The following VDAC3 variants were observed in gnomAD, a reference collection of about 807,000 sequenced individuals.
The protein encoded by VDAC3 is non-selective voltage-gated ion channel VDAC3.
VDAC3 carries 7 observed loss-of-function variants against 33.9 expected under a neutral mutation model. The ratio of observed to expected loss-of-function variants is 0.21; its 90% CI spans 0.12 to 0.39. VDAC3 has a LOEUF of 0.39. Among genes scored for constraint, VDAC3 ranks in the 10% least tolerant of loss-of-function variants. VDAC3 has a pLI of 1.00. For synonymous variants in VDAC3, 100 were observed against 122.4 expected, an observed-to-expected ratio of 0.82 and a Z score of 1.21; for missense variants, 261 against 334.5, an observed-to-expected ratio of 0.78 and a Z score of 1.71.
intron 1 of VDAC3, 179 bp from the exon 2 acceptor site, chr8:42,393,666 A>T: frequency 2.7e-6 from 1 of 371,940 alleles, no homozygotes; most frequent in Non-Finnish European, 4.8e-6. Flanking sequence ...AATGGGTAAA[A>T]TTATAGCACT....
chr8:42,402,777 A>G (rs1802436871), intron 7 of VDAC3, among the ~76,000 whole-genome samples: 1 of 152,248 alleles, frequency 6.6e-6, no homozygotes, highest in Non-Finnish European at 1.5e-5. Flanking sequence ...CAGGAAAACC[A>G]TGTGAAAACC....
chr8:42,396,449 C>G (rs968328918), intron 4 of VDAC3, among the ~76,000 whole-genome samples: 1 of 152,140 alleles, frequency 6.6e-6, no homozygotes, highest in African/African-American at 2.4e-5. Context: ...TGTGTATAAT[C>G]ATGGTTTGTG....
intron 4 of VDAC3, among the ~76,000 whole-genome samples, chr8:42,396,344 G>A (rs759799032): frequency 3.3e-5 from 5 of 152,118 alleles, no homozygotes; most frequent in Non-Finnish European, 7.4e-5. Flanking sequence ...CTCATTGGCT[G>A]CATCGTTTTT....
At chr8:42,393,032 A>G (rs1358812890) in intron 1 of VDAC3, among the ~76,000 whole-genome samples, 1 of 152,222 alleles carries the variant, frequency 6.6e-6, no homozygotes, top group Non-Finnish European at 1.5e-5. Flanking sequence ...TTACTATGGA[A>G]TGAGTCAGTA....
At chr8:42,396,028 C>CG (rs1342660136) in intron 4 of VDAC3, among the ~76,000 whole-genome samples, 2 of 149,320 alleles carry the variant, frequency 1.3e-5, no homozygotes, top group Non-Finnish European at 3.0e-5. Context: ...GAGGCCAAGG[C>CG]GGGCGGATCA....
At chr8:42,401,202 C>A (rs1008769896) in intron 6 of VDAC3, among the ~76,000 whole-genome samples, 3 of 151,432 alleles carry the variant, frequency 2.0e-5, no homozygotes, top group African/African-American at 7.3e-5. Context: ...CTTATTCATT[C>A]TTTTTTTTTC....
chr8:42,392,682 C>A (rs1420537281), intron 1 of VDAC3, among the ~76,000 whole-genome samples: 1 of 152,092 alleles, frequency 6.6e-6, no homozygotes, highest in Non-Finnish European at 1.5e-5. Flanking sequence ...AATAACAAAA[C>A]AAAATGCTGA....
intron 9 of VDAC3, 29 bp downstream of exon 9, chr8:42,404,953 T>A: frequency 6.2e-7 from 1 of 1,601,512 alleles, no homozygotes; most frequent in Non-Finnish European, 8.6e-7. Flanking sequence ...AACAGAGGGG[T>A]TGAGGTGGAA....
chr8:42,400,270 G>A (rs144152268), intron 6 of VDAC3, among the ~76,000 whole-genome samples: 10,839 of 151,426 alleles, frequency 0.072, 696 homozygotes, highest in African/African-American at 0.16. Flanking sequence ...CCCAGGAGGC[G>A]GAGCTTGCAG....
intron 7 of VDAC3, 112 bp from the exon 8 acceptor site, chr8:42,403,199 C>G: frequency 1.5e-6 from 2 of 1,314,254 alleles, no homozygotes; most frequent in South Asian, 1.4e-5. Flanking sequence ...TTGCTGAAAT[C>G]TATAGTTACA....
rs374856587 is a variant in VDAC3, at chr8:42,405,480, A to C, written c.*18A>C. 7.5e-6 allele frequency: 12 copies of C among 1,604,074 alleles called. 1 individual carries two copies. The African/African-American group carries it at 1.5e-4, about 20-fold the overall frequency. ...AAGCTTAATGTGGTTTGAGGAAAGCATCAGATTTGTCCCTGGAAGTGAAGA... is the reference window on the plus strand; with the variant it reads ...AAGCTTAATGTGGTTTGAGGAAAGCCTCAGATTTGTCCCTGGAAGTGAAGA... On this transcript the variant is annotated 3_prime_UTR_variant, in exon 10 of 10. Coordinates refer to ENST00000022615, the MANE Select transcript of VDAC3 (RefSeq NM_005662.7).
intron 3 of VDAC3, 71 bp downstream of exon 3, chr8:42,394,349 T>C (rs186051569): frequency 6.2e-6 from 8 of 1,297,614 alleles, no homozygotes; most frequent in Non-Finnish European, 8.8e-6. Context: ...GTGTAAATAC[T>C]GTGTTAGTAA....
intron 8 of VDAC3, 102 bp from the exon 9 acceptor site, chr8:42,404,765 A>C: frequency 2.4e-6 from 2 of 823,684 alleles, no homozygotes; most frequent in Non-Finnish European, 3.8e-6. Flanking sequence ...GATTGGCCCT[A>C]GGGTGCTTTT....
chr8:42,404,146 C>A (rs1342916062), intron 8 of VDAC3, among the ~76,000 whole-genome samples: 1 of 152,132 alleles, frequency 6.6e-6, no homozygotes, highest in African/African-American at 2.4e-5. Context: ...CTCCATGTGG[C>A]GATTAGTGTT....
intron 6 of VDAC3, among the ~76,000 whole-genome samples, chr8:42,400,328 C>CAA (rs556195091): frequency 1.4e-4 from 16 of 110,668 alleles, no homozygotes; most frequent in African/African-American, 4.3e-4. Flanking sequence ...GACTCTGTCT[C>CAA]AAAAAAAAAA....
rs184995810 is a variant in VDAC3 at position 42,402,261 on chromosome 8, G to A, written c.551+246G>A. 1,397 of 549,902 alleles carry A rather than the reference G, an allele frequency of 2.5e-3. 7 individuals are homozygous for A. The highest frequency in any genetic ancestry group is 3.6e-3 in the Non-Finnish European group (1,100 of 308,124). 34.1% of individuals were successfully genotyped at this position (549,902 alleles called of 1,614,324 possible). A position where few individuals can be genotyped will look rare whatever the true frequency, so the allele number is the denominator to read the frequency against. ...TGAGGAAGCTCCAGCCTCTGTAGAA[G>A]AACCACTGGGATAGAGGGAGCCCAG... On this transcript the variant is annotated intron_variant, in intron 7 of 9. Transcript: ENST00000022615.
rs75190131 is a variant in VDAC3, at chr8:42,398,565, G to A, written c.118-147G>A. 6.7e-3 allele frequency: 5,305 copies of A among 797,052 alleles called. 32 individuals carry two copies. Among genetic ancestry groups the A allele is most frequent in the South Asian group, 0.011 (560 of 50,090 alleles). The allele number at this position is 797,052 out of a possible 1,614,324, so 49.4% of individuals were successfully genotyped here. A position where few individuals can be genotyped will look rare whatever the true frequency, so the allele number is the denominator to read the frequency against. On this transcript the variant is annotated intron_variant, in intron 4 of 9. Transcript: ENST00000022615. ...ATATTTAGGGACTGGAAAAGCAAGG[G>A]GAAAGGAGGAAAGAAGTTGCTCTAG...
At position 42,405,700 on chromosome 8, in the gene VDAC3, G is replaced by T. The variant is rs1002924691; in HGVS notation, c.*238G>T. 2.3e-6 allele frequency: 1 copy of T among 440,654 alleles called. No individual in the cohort carries two copies. Among genetic ancestry groups the T allele is most frequent in the South Asian group, 2.7e-5 (1 of 36,512 alleles). The allele number at this position is 440,654 out of a possible 1,614,324, so 27.3% of individuals were successfully genotyped here. On this transcript the variant is annotated 3_prime_UTR_variant, in exon 10 of 10. Transcript: ENST00000022615. Reference sequence around the variant, plus strand: ...CCACGTTTCAGTTCAGTTCTGAAGTGTTATTAAATGTGTTCCTCAGCGACA... The same window carrying T: ...CCACGTTTCAGTTCAGTTCTGAAGTTTTATTAAATGTGTTCCTCAGCGACA...
rs372652138 is a variant in VDAC3 at position 42,401,756 on chromosome 8, A to C, written c.324-32A>C. 1.6e-4 allele frequency: 257 copies of C among 1,604,008 alleles called. 1 individual carries two copies. The Middle Eastern group carries it at 3.1e-3, about 20-fold the overall frequency. ...AGTAGTAAGAACTCATGTTGTTTTC[A>C]TCATTTGCTTTTGTTTGTTTGTTTA... On this transcript the variant is annotated intron_variant, in intron 6 of 9. Transcript: ENST00000022615.
Sources: gnomAD v4.1 joint callset for allele counts (sites outside exome capture counted in the v4.1 genomes callset) on GRCh38, gnomAD v4.1.1 for gene constraint, MANE v1.5 for transcripts, NCBI Gene and HGNC (gene_info 2026-07-23, HGNC 2026-07-21) for gene names.